PRKAR2B: variants seen among roughly 807,000 people sequenced by gnomAD.
The protein encoded by PRKAR2B is protein kinase cAMP-dependent type II regulatory subunit beta, also known as cAMP-dependent protein kinase type II-beta regulatory subunit.
A neutral mutation model predicts 49.9 loss-of-function variants in PRKAR2B; 14 were observed. The observed-to-expected ratio is 0.28, with a 90% CI of 0.19 to 0.44. PRKAR2B has a LOEUF of 0.44. Ranked by LOEUF, PRKAR2B falls within the 20% of genes least tolerant of loss-of-function variation. The probability of loss-of-function intolerance (pLI) is 1.00; values close to 1 mark genes in which losing one functional copy is unlikely to be tolerated. For synonymous variants in PRKAR2B, 196 were observed against 197.7 expected (o/e 0.99, Z 0.07); for missense variants, 393 against 537.9 (o/e 0.73, Z 2.67).
chr7:107,103,016 A>G (rs185306583), intron 2 of PRKAR2B, among the ~76,000 whole-genome samples: 1 of 152,312 alleles, frequency 6.6e-6, no homozygotes, highest in African/African-American at 2.4e-5. Flanking sequence ...GCTCCCTTAA[A>G]CATTCATATC....
chr7:107,059,944 A>T (rs1220227531), intron 1 of PRKAR2B, among the ~76,000 whole-genome samples: 1 of 152,162 alleles, frequency 6.6e-6, no homozygotes, highest in African/African-American at 2.4e-5. Context: ...ATTGCGACAG[A>T]TTGAATGCAG....
rs34333619 is a variant in PRKAR2B at position 107,126,087 on chromosome 7, T to TAAAAA, written c.397-2107_397-2103dup. ...TGGGTGACAGAGCAAGACTGTGTCT[T>TAAAAA]AAAAAAAAAAAAAAAAAAAAAAGAG... is the stretch of plus-strand genomic sequence containing the variant. On this transcript the variant is annotated intron_variant, in intron 3 of 10. Coordinates refer to ENST00000265717, the MANE Select transcript of PRKAR2B (RefSeq NM_002736.3). Among the ~76,000 whole-genome samples the TAAAAA allele has an allele frequency of 2.1e-3, 170 of 82,244 alleles. 1 individual carries two copies. Among genetic ancestry groups the TAAAAA allele is most frequent in the African/African-American group, 7.4e-3 (151 of 20,286 alleles). 54.0% of individuals were successfully genotyped at this position (82,244 alleles called of 152,430 possible). A position where few individuals can be genotyped will look rare whatever the true frequency, so the allele number is the denominator to read the frequency against.
intron 2 of PRKAR2B, among the ~76,000 whole-genome samples, chr7:107,114,838 C>G (rs1011465155): frequency 6.6e-6 from 1 of 151,800 alleles, no homozygotes; most frequent in Non-Finnish European, 1.5e-5. Flanking sequence ...TATACAGTCC[C>G]TTAAAGAGTA....
chr7:107,069,740 A>G (rs1209419382), intron 1 of PRKAR2B: 1 of 152,500 alleles, frequency 6.6e-6, no homozygotes, highest in Non-Finnish European at 1.5e-5. Context: ...TGTCAGAACT[A>G]TAAATCTGAG....
At chr7:107,106,672 T>C (rs944402861) in intron 2 of PRKAR2B, among the ~76,000 whole-genome samples, 1 of 152,124 alleles carries the variant, frequency 6.6e-6, no homozygotes. Flanking sequence ...ACTGGTTGGA[T>C]TCACTTCCTT....
At chr7:107,139,349 A>C (rs1178401271) in intron 4 of PRKAR2B, among the ~76,000 whole-genome samples, 1 of 152,208 alleles carries the variant, frequency 6.6e-6, no homozygotes, top group African/African-American at 2.4e-5. Context: ...CTAGGGCACC[A>C]GTGTTCACAG....
chr7:107,079,722 G>C (rs2251838), intron 2 of PRKAR2B, among the ~76,000 whole-genome samples: 1 of 151,994 alleles, frequency 6.6e-6, no homozygotes, highest in Non-Finnish European at 1.5e-5. Flanking sequence ...TACCGTTACT[G>C]TTACACATCG....
In PRKAR2B at chr7:107,098,519, G is replaced by A. The variant is rs1410464046; in HGVS notation, c.344-23433G>A. ...GTCTGAAGCCGCCTTCTCTCAACTC[G>A]TCAAAGTCATTCTCTTTCCTGCTTT... On this transcript the variant is annotated intron_variant, in intron 2 of 10. Coordinates refer to ENST00000265717, the MANE Select transcript of PRKAR2B (RefSeq NM_002736.3). 4.6e-5 allele frequency among the ~76,000 whole-genome samples: 7 copies of A among 152,286 alleles called. 1 individual carries two copies. Among genetic ancestry groups the A allele is most frequent in the Middle Eastern group, 6.8e-3 (2 of 294 alleles).
intron 2 of PRKAR2B, among the ~76,000 whole-genome samples, chr7:107,079,236 A>G (rs1399910728): frequency 6.6e-6 from 1 of 152,208 alleles, no homozygotes; most frequent in East Asian, 1.9e-4. Flanking sequence ...ACTGCAGACC[A>G]GCACTTTTGA....
Position 107,098,991 on chromosome 7 carries a change from C to G in PRKAR2B, c.344-22961C>G, listed in dbSNP as rs188862901. Among the ~76,000 whole-genome samples, 322 of 152,316 alleles carry G rather than the reference C, an allele frequency of 2.1e-3. 2 individuals carry two copies. Among genetic ancestry groups the G allele is most frequent in the African/African-American group, 7.3e-3 (305 of 41,572 alleles). On this transcript the variant is annotated intron_variant, in intron 2 of 10. Transcript: ENST00000265717. Reference sequence around the variant, plus strand: ...GGACCCACTTGAGGAGGCAGTCTGTCCATTCTCAGATCTCAAACTCCGTGC... The same window carrying G: ...GGACCCACTTGAGGAGGCAGTCTGTGCATTCTCAGATCTCAAACTCCGTGC...
At chr7:107,134,997 C>G (rs921764717) in intron 4 of PRKAR2B, among the ~76,000 whole-genome samples, 1 of 151,696 alleles carries the variant, frequency 6.6e-6, no homozygotes, top group Admixed American at 6.6e-5. Context: ...ACAGATGTAA[C>G]ATTTTTGTAC....
At chr7:107,056,814 C>G (rs1365298358) in intron 1 of PRKAR2B, among the ~76,000 whole-genome samples, 1 of 152,158 alleles carries the variant, frequency 6.6e-6, no homozygotes, top group African/African-American at 2.4e-5. Flanking sequence ...TTTAGCCTAT[C>G]TTCAGTTCAG....
chr7:107,151,071 G>T (rs2115665850), intron 7 of PRKAR2B, 48 bp downstream of exon 7: 2 of 1,120,602 alleles, frequency 1.8e-6, no homozygotes, highest in South Asian at 2.0e-5. Flanking sequence ...AAAAGTTTCT[G>T]TTTTGCTAGG....
chr7:107,057,833 G>A (rs1422012974), intron 1 of PRKAR2B, among the ~76,000 whole-genome samples: 1 of 151,938 alleles, frequency 6.6e-6, no homozygotes, highest in East Asian at 1.9e-4. Context: ...ATGAGAACAC[G>A]ACAGTTTAAA....
chr7:107,080,624 T>C (rs1455793602), intron 2 of PRKAR2B, among the ~76,000 whole-genome samples: 1 of 152,172 alleles, frequency 6.6e-6, no homozygotes, highest in Non-Finnish European at 1.5e-5. Flanking sequence ...GAGGACATAG[T>C]TGGATTGATA....
chr7:107,105,696 G>A (rs1795058731), intron 2 of PRKAR2B, among the ~76,000 whole-genome samples: 1 of 152,116 alleles, frequency 6.6e-6, no homozygotes, highest in Non-Finnish European at 1.5e-5. Context: ...GGGTTTGGGT[G>A]GCCTTTGGAG....
intron 1 of PRKAR2B, among the ~76,000 whole-genome samples, chr7:107,051,522 A>C (rs1292322741): frequency 6.6e-6 from 1 of 152,190 alleles, no homozygotes; most frequent in African/African-American, 2.4e-5. Flanking sequence ...GATGCTTATC[A>C]TTATTTTATG....
chr7:107,118,610 G>A (rs1161394128), intron 2 of PRKAR2B, among the ~76,000 whole-genome samples: 2 of 152,200 alleles, frequency 1.3e-5, no homozygotes, highest in Non-Finnish European at 2.9e-5. Context: ...ATGCAGTGTG[G>A]TAAATGACAA....
chr7:107,125,629 G>T (rs1444338674), intron 3 of PRKAR2B, among the ~76,000 whole-genome samples: 1 of 152,096 alleles, frequency 6.6e-6, no homozygotes, highest in African/African-American at 2.4e-5. Flanking sequence ...CCCGCTTTCT[G>T]GCTGTTTACT....
Sources: allele counts gnomAD v4.1 joint callset (sites outside exome capture counted in the v4.1 genomes callset), GRCh38; gene constraint gnomAD v4.1.1; transcripts MANE v1.5; gene names NCBI Gene and HGNC (gene_info 2026-07-23, HGNC 2026-07-21).